PWP1: variants seen among roughly 807,000 people sequenced by gnomAD.
The protein encoded by PWP1 is PWP1 homolog, endonuclein.
In PWP1, 47 loss-of-function variants were observed where a neutral mutation model predicts 69.9. That is an observed-to-expected ratio of 0.67 (90% CI 0.53 to 0.86). The LOEUF is 0.86. Ranked by LOEUF, PWP1 falls within the 40% of genes least tolerant of loss-of-function variation. The pLI is 0.00. For synonymous variants in PWP1, 222 were observed against 208.2 expected, an observed-to-expected ratio of 1.07 and a Z score of -0.57; for missense variants, 551 against 608.8, an observed-to-expected ratio of 0.91 and a Z score of 1.00.
Position 107,692,882 on chromosome 12 carries a change from G to A in PWP1, c.388G>A (p.Val130Ile), listed in dbSNP as rs764138806. 1.7e-5 allele frequency: 27 copies of A among 1,613,696 alleles called. No individual in the cohort carries two copies. Among genetic ancestry groups the A allele is most frequent in the Admixed American group, 5.0e-5 (3 of 59,974 alleles). ...VYGSNDQDPY[V>I]TLKDTEQYER... ...CGGGAGTAATGATCAAGATCCTTACGTTACTCTGAAAGATACAGTAAGTAT... is the reference window on the plus strand; with the variant it reads ...CGGGAGTAATGATCAAGATCCTTACATTACTCTGAAAGATACAGTAAGTAT... Residue 130 changes from valine to isoleucine, a missense_variant, in exon 4 of 15, where the codon GTT becomes ATT. Transcript: ENST00000412830.
chr12:107,706,563 A>G (rs1284311959), intron 11 of PWP1, among the ~76,000 whole-genome samples: 1 of 152,082 alleles, frequency 6.6e-6, no homozygotes, highest in Non-Finnish European at 1.5e-5. Flanking sequence ...ATCCATCTGG[A>G]ATTAATTTTT....
intron 11 of PWP1, among the ~76,000 whole-genome samples, chr12:107,706,404 T>TC (rs1889825034): frequency 6.6e-6 from 1 of 152,246 alleles, no homozygotes; most frequent in South Asian, 2.1e-4. Context: ...TTTAATTAGA[T>TC]CCCATTTATC....
intron 8 of PWP1, among the ~76,000 whole-genome samples, chr12:107,701,693 G>A (rs1889714103): frequency 6.6e-6 from 1 of 151,220 alleles, no homozygotes; most frequent in South Asian, 2.1e-4. Flanking sequence ...TTTTTGTTTT[G>A]TGTGAGACAG....
chr12:107,710,140 TA>T (rs1460873063), intron 13 of PWP1, among the ~76,000 whole-genome samples: 2 of 152,158 alleles, frequency 1.3e-5, no homozygotes, highest in Non-Finnish European at 2.9e-5. Context: ...GACAGAGTGA[TA>T]ACGAAGATGA....
At chr12:107,687,509 G>A (rs1452196028) in intron 1 of PWP1, among the ~76,000 whole-genome samples, 1 of 152,196 alleles carries the variant, frequency 6.6e-6, no homozygotes, top group Non-Finnish European at 1.5e-5. Context: ...AGGTGATTCT[G>A]ATGTACAGAT....
At chr12:107,704,551 T>G (rs1482314932) in intron 10 of PWP1, 85 bp from the exon 11 acceptor site, 1 of 887,064 alleles carries the variant, frequency 1.1e-6, no homozygotes, top group Non-Finnish European at 1.8e-6. Context: ...GATTTCACAG[T>G]GCTATTTTAT....
intron 3 of PWP1, 98 bp downstream of exon 3, chr12:107,688,900 T>G: frequency 2.4e-6 from 3 of 1,241,180 alleles, no homozygotes; most frequent in Non-Finnish European, 3.4e-6. Flanking sequence ...TTTATTGTTC[T>G]TGACATCAGT....
At chr12:107,690,805 G>C (rs1479565051) in intron 3 of PWP1, among the ~76,000 whole-genome samples, 2 of 152,144 alleles carry the variant, frequency 1.3e-5, no homozygotes, top group South Asian at 4.1e-4. Flanking sequence ...TTCAAGGTTC[G>C]TGATGCCCTC....
At chr12:107,700,221 A>ATT (rs1240144070) in intron 8 of PWP1, among the ~76,000 whole-genome samples, 2 of 152,108 alleles carry the variant, frequency 1.3e-5, no homozygotes, top group Non-Finnish European at 2.9e-5. Context: ...CATTTTTACC[A>ATT]TTTTTAAGTG....
In PWP1 at chr12:107,704,649, T is replaced by C; in HGVS notation, c.979T>C (p.Tyr327His). ...GAATGTGTCTAGGTCAGTGGCTTTG[T>C]ATGACTGCCGAAGTCCAGATGAAAG... ...SGSYDKSVAL[Y>H]DCRSPDESHR... Residue 327 changes from tyrosine (Y) to histidine (H), a missense_variant, in exon 11 of 15, where the codon TAT (tyrosine) becomes CAT (histidine). Coordinates refer to ENST00000412830, the MANE Select transcript of PWP1 (RefSeq NM_007062.3). 1 of 1,613,956 alleles carries C rather than the reference T, an allele frequency of 6.2e-7. No individual in the cohort carries two copies. Among genetic ancestry groups the C allele is most frequent in the East Asian group, 2.2e-5 (1 of 44,874 alleles).
chr12:107,702,918 A>G lies in PWP1; in HGVS notation c.807-17A>G. 1 of 1,508,262 alleles carries G rather than the reference A, an allele frequency of 6.6e-7. No homozygotes were observed. The highest frequency in any genetic ancestry group is 9.2e-7 in the Non-Finnish European group (1 of 1,084,298). The allele number at this position is 1,508,262 out of a possible 1,614,324, so 93.4% of individuals were successfully genotyped here. On this transcript the variant is annotated splice_polypyrimidine_tract_variant and intron_variant, in intron 8 of 14. Transcript: ENST00000412830. ...GACTTTTAAAAGATTACCTGATTGGATTCTTCCCTTTCTCAGAAATGTTTT... is the reference window on the plus strand; with the variant it reads ...GACTTTTAAAAGATTACCTGATTGGGTTCTTCCCTTTCTCAGAAATGTTTT...
intron 14 of PWP1, 42 bp downstream of exon 14, chr12:107,710,552 T>TTAAA: frequency 3.5e-6 from 4 of 1,157,190 alleles, no homozygotes; most frequent in Non-Finnish European, 4.4e-6. Flanking sequence ...CCTGCCCCTG[T>TTAAA]AAAAAAAAAA....
intron 3 of PWP1, among the ~76,000 whole-genome samples, chr12:107,690,420 C>G (rs1889456348): frequency 6.6e-6 from 1 of 152,132 alleles, no homozygotes; most frequent in Non-Finnish European, 1.5e-5. Flanking sequence ...TTAAAAATAT[C>G]AGTATCTGTT....
intron 3 of PWP1, among the ~76,000 whole-genome samples, chr12:107,690,515 G>C (rs898334599): frequency 1.3e-5 from 2 of 152,304 alleles, no homozygotes; most frequent in Admixed American, 1.3e-4. Context: ...CCAGGCTAGA[G>C]TGCTGTAGTG....
chr12:107,711,464 A>G (rs1889950971), intron 14 of PWP1, among the ~76,000 whole-genome samples: 1 of 152,218 alleles, frequency 6.6e-6, no homozygotes, highest in African/African-American at 2.4e-5. Flanking sequence ...AGCTGGAAAG[A>G]AATATAGCAT....
chr12:107,710,374 T>G, intron 13 of PWP1, 31 bp from the exon 14 acceptor site: 1 of 1,610,208 alleles, frequency 6.2e-7, no homozygotes, highest in Non-Finnish European at 8.5e-7. Flanking sequence ...CTGAAGAGAT[T>G]GAAATCACCA....
At chr12:107,700,936 C>A (rs1001736376) in intron 8 of PWP1, among the ~76,000 whole-genome samples, 3 of 151,960 alleles carry the variant, frequency 2.0e-5, no homozygotes, top group Non-Finnish European at 4.4e-5. Context: ...GTCTATGTTG[C>A]TAAAGCTGGT....
At chr12:107,686,079 C>A in intron 1 of PWP1, 108 bp downstream of exon 1, 1 of 1,241,944 alleles carries the variant, frequency 8.1e-7, no homozygotes, top group Non-Finnish European at 1.2e-6. Context: ...GCTGGTGCGA[C>A]TGGCTGGGGT....
chr12:107,705,842 TGTGCACATATGCACATAC>T (rs924261461), intron 11 of PWP1, among the ~76,000 whole-genome samples: 13 of 145,750 alleles, frequency 8.9e-5, no homozygotes, highest in Non-Finnish European at 1.7e-4. Context: ...ACTATATGTA[TGTGCACATATGCACATAC>T]GTGTGCATGT....
Sources: allele counts gnomAD v4.1 joint callset (sites outside exome capture counted in the v4.1 genomes callset), GRCh38; gene constraint gnomAD v4.1.1; transcripts MANE v1.5; gene names NCBI Gene and HGNC (gene_info 2026-07-23, HGNC 2026-07-21).